Variants in USP1 observed in about 807,000 individuals in gnomAD.
USP1 encodes ubiquitin specific peptidase 1.
In USP1, 18 loss-of-function variants were observed where a neutral mutation model predicts 72.2. The ratio of observed to expected loss-of-function variants is 0.25; its 90% CI spans 0.17 to 0.37. The LOEUF (loss-of-function observed/expected upper bound fraction) is 0.37, where lower values mean the gene tolerates loss of function less well. Ranked by LOEUF, USP1 falls within the 10% of genes least tolerant of loss-of-function variation. The pLI, the probability that USP1 is intolerant of heterozygous loss-of-function variation, is 1.00. For synonymous variants in USP1, 354 were observed against 303.7 expected, an observed-to-expected ratio of 1.17 and a Z score of -1.72; for missense variants, 759 against 884.9, an observed-to-expected ratio of 0.86 and a Z score of 1.81.
At chr1:62,450,169 T>G in intron 8 of USP1, 77 bp from the exon 9 acceptor site, 1 of 1,510,800 alleles carries the variant, frequency 6.6e-7, no homozygotes, top group Non-Finnish European at 8.8e-7. Flanking sequence ...AGATTTTTAC[T>G]TGGTTTCAGA....
chr1:62,436,452 G>A (rs1473318524), upstream of USP1: 1 of 152,234 alleles, frequency 6.6e-6, no homozygotes, highest in African/African-American at 2.4e-5. Flanking sequence ...GGGGCACCGC[G>A]CCTGAGGAAC....
At position 62,449,003 on chromosome 1, in the gene USP1, C is replaced by T. The variant is rs530234502; in HGVS notation, c.1622+337C>T. On this transcript the variant is annotated intron_variant, in intron 8 of 8. Coordinates refer to ENST00000339950, the MANE Select transcript of USP1 (RefSeq NM_003368.5). ...GCTCAGGTGGTTCTCCCACCTCAGCCTTCTGAGTAGCTGGGACTACAGGTG... is the reference window on the plus strand; with the variant it reads ...GCTCAGGTGGTTCTCCCACCTCAGCTTTCTGAGTAGCTGGGACTACAGGTG... Among the ~76,000 whole-genome samples the T allele has an allele frequency of 2.0e-5, 3 of 152,216 alleles. No homozygotes were observed. The South Asian group carries it at 6.2e-4, about 32-fold the overall frequency.
chr1:62,442,153 T>C (rs1356096011), intron 3 of USP1, 42 bp from the exon 4 acceptor site: 2 of 1,308,700 alleles, frequency 1.5e-6, no homozygotes, highest in South Asian at 1.3e-5. Flanking sequence ...TTACGTGTAT[T>C]GTTTGTTCAG....
chr1:62,444,597 C>T (rs1645156919), intron 5 of USP1, 141 bp from the exon 6 acceptor site: 2 of 645,292 alleles, frequency 3.1e-6, no homozygotes, highest in South Asian at 5.5e-5. Flanking sequence ...TAAGAAATTC[C>T]AAATTAGTGC....
At chr1:62,447,538 A>G (rs371099194) in intron 7 of USP1, 27 bp downstream of exon 7, 2 of 1,589,754 alleles carry the variant, frequency 1.3e-6, no homozygotes, top group African/African-American at 2.7e-5. Context: ...TCTTGTGTGG[A>G]CCATGATGGA....
chr1:62,449,905 T>TAAAAAAA (rs547815480), intron 8 of USP1, among the ~76,000 whole-genome samples: 101 of 141,800 alleles, frequency 7.1e-4, no homozygotes, highest in Middle Eastern at 3.6e-3. Flanking sequence ...GACCCTGCCT[T>TAAAAAAA]AAAAAAAAAA....
At chr1:62,440,731 A>G (rs1557553423) in intron 2 of USP1, among the ~76,000 whole-genome samples, 2 of 152,216 alleles carry the variant, frequency 1.3e-5, no homozygotes, top group South Asian at 4.1e-4. Flanking sequence ...CAGCATTCAT[A>G]CTTCTGAATA....
At chr1:62,443,983 C>T (rs919154456) in intron 5 of USP1, among the ~76,000 whole-genome samples, 9 of 151,934 alleles carry the variant, frequency 5.9e-5, no homozygotes, top group South Asian at 4.2e-4. Flanking sequence ...TATTGTAGGC[C>T]GGTCACAGCT....
chr1:62,447,354 T>G lies in USP1; in HGVS notation c.1263T>G (p.Ile421Met), dbSNP rs750535646. 3.1e-6 allele frequency: 5 copies of G among 1,612,696 alleles called. No homozygotes were observed. The South Asian group carries it at 4.4e-5, about 14-fold the overall frequency. Residue 421 changes from isoleucine to methionine, a missense_variant, in exon 7 of 9, where the codon ATT becomes ATG. Ile to Met is a conservative substitution (Grantham distance 10, BLOSUM62 1). Around this residue, in one of 9 missense-constraint regions of USP1, gnomAD observed 245 missense variants for 240.7 expected, o/e 1.02. Transcript: ENST00000339950. ...VKPINKGEEQ[I>M]GFELVEKLFQ... ...TTTTCATTTTAGGTGAAGAACAAAT[T>G]GGTTTTGAGCTAGTGGAGAAATTAT...
chr1:62,441,625 G>T lies in USP1; in HGVS notation c.291+17G>T. ...ATACTTCAGGTAAATTGACAATTTT[G>T]CTATATCATAAAGCTTTAGTAGGCA... On this transcript the variant is annotated intron_variant, in intron 3 of 8. Coordinates refer to ENST00000339950, the MANE Select transcript of USP1 (RefSeq NM_003368.5). 1 of 1,601,626 alleles carries T rather than the reference G, an allele frequency of 6.2e-7. No homozygotes were observed. Among genetic ancestry groups the T allele is most frequent in the Non-Finnish European group, 8.5e-7 (1 of 1,176,008 alleles).
At chr1:62,438,658 A>T (rs1390308513) in intron 1 of USP1, among the ~76,000 whole-genome samples, 1 of 152,228 alleles carries the variant, frequency 6.6e-6, no homozygotes. Context: ...CATGTCCTGA[A>T]AAATAGGCCT....
In USP1 at chr1:62,443,147, C is replaced by G. The variant is rs185884781; in HGVS notation, c.397-12C>G. On this transcript the variant is annotated splice_polypyrimidine_tract_variant and intron_variant, in intron 4 of 8. Coordinates refer to ENST00000339950, the MANE Select transcript of USP1 (RefSeq NM_003368.5). ...CATAAAATTATTGGTTTGTGTGTTT[C>G]TTTCTTGACAGGGAAATTGCAAAGA... The G allele has an allele frequency of 5.5e-5, 89 of 1,605,050 alleles. 3 individuals are homozygous for G. In the Admixed American group the frequency reaches 1.4e-3, roughly 25 times the overall value.
Position 62,444,829 on chromosome 1 carries a change from C to A in USP1, c.649C>A (p.Leu217Ile). The change falls in exon 6 of 9, where the codon CTC becomes ATC. Residue 217 changes from leucine to isoleucine, a missense_variant. This residue lies in a region of USP1 where 245 missense variants were observed against 240.7 expected (regional missense o/e 1.02). Transcript: ENST00000339950. The part of the protein sequence containing the change: ...ILGNIQETCQ[L>I]LKKEEVKNVA... ...GGGAAACATTCAAGAAACATGCCAA[C>A]TCCTAAAAAAAGAAGAAGTAAAAAA... 6.2e-7 allele frequency: 1 copy of A among 1,613,182 alleles called. No individual in the cohort carries two copies. The highest frequency in any genetic ancestry group is 8.5e-7 in the Non-Finnish European group (1 of 1,179,720).
At position 62,443,285 on chromosome 1, in the gene USP1, G is replaced by A. The variant is rs966971942; in HGVS notation, c.523G>A (p.Ala175Thr). ...LNPEKYTDEL[A>T]TQPRRLLNTL... ...TCCAGAGAAATATACTGATGAACTT[G>A]CCACTCAGCCAAGGCGACTGCTTAA... is the stretch of plus-strand genomic sequence containing the variant. Residue 175 changes from alanine (A) to threonine (T), a missense_variant, in exon 5 of 9, where the codon GCC becomes ACC. Ala to Thr is a moderately conservative substitution (Grantham distance 58). Around this residue, in one of 9 missense-constraint regions of USP1, gnomAD observed 16 missense variants for 44.6 expected, o/e 0.36. Transcript: ENST00000339950. 4.3e-6 allele frequency: 7 copies of A among 1,613,116 alleles called. No individual in the cohort carries two copies. The highest frequency in any genetic ancestry group is 5.1e-6 in the Non-Finnish European group (6 of 1,179,770).
At chr1:62,444,279 AAG>A (rs200295377) in intron 5 of USP1, among the ~76,000 whole-genome samples, 941 of 68,360 alleles carry the variant, frequency 0.014, 28 homozygotes, top group African/African-American at 0.035. Flanking sequence ...AAAAAAAAAA[AAG>A]GCCATTGTAG....
At chr1:62,444,307 C>T (rs1381548869) in intron 5 of USP1, among the ~76,000 whole-genome samples, 4 of 148,278 alleles carry the variant, frequency 2.7e-5, no homozygotes, top group African/African-American at 5.0e-5. Flanking sequence ...TGGCCAAGAG[C>T]GGGTTTGAAT....
In USP1 at chr1:62,448,410, T is replaced by A. The variant is rs569687357; in HGVS notation, c.1421-55T>A. 97 of 1,540,320 alleles carry A rather than the reference T, an allele frequency of 6.3e-5. 1 individual carries two copies. In the African/African-American group the frequency reaches 1.2e-3, roughly 18 times the overall value. ...TAATTTTGAACCTGAAACTTTGTGGTTTATTTTTTGAATGCCTGAGAGAAG... is the reference window on the plus strand; with the variant it reads ...TAATTTTGAACCTGAAACTTTGTGGATTATTTTTTGAATGCCTGAGAGAAG... On this transcript the variant is annotated intron_variant, in intron 7 of 8. Coordinates refer to ENST00000339950, the MANE Select transcript of USP1 (RefSeq NM_003368.5).
intron 1 of USP1, among the ~76,000 whole-genome samples, chr1:62,439,121 A>G (rs1645114426): frequency 6.6e-6 from 1 of 152,204 alleles, no homozygotes; most frequent in Non-Finnish European, 1.5e-5. Context: ...CCTACCTTGT[A>G]CTTGAGAATT....
rs1201056264 is a variant in USP1, at chr1:62,442,276, G to A, written c.373G>A (p.Asp125Asn). ...IISRKKEALK[D>N]EANQKDKGNC... ...TTCAAGGAAGAAAGAAGCTCTAAAG[G>A]ATGAAGCCAATCAAAAAGACAAGGT... The change falls in exon 4 of 9, where the codon GAT (aspartate) becomes AAT (asparagine). Residue 125 changes from aspartate (D) to asparagine (N), a missense_variant. Asp to Asn is a conservative substitution (Grantham distance 23). Transcript: ENST00000339950. The A allele has an allele frequency of 6.3e-7, 1 of 1,598,624 alleles. No homozygotes were observed. Among genetic ancestry groups the A allele is most frequent in the South Asian group, 1.1e-5 (1 of 87,998 alleles).
Sources: gnomAD v4.1 joint callset for allele counts (sites outside exome capture counted in the v4.1 genomes callset) on GRCh38, gnomAD v4.1.1 for gene constraint, gnomAD v4.1.1 regional missense constraint, MANE v1.5 for transcripts, NCBI Gene and HGNC (gene_info 2026-07-23, HGNC 2026-07-21) for gene names.